TMEM132D: variants seen among roughly 807,000 people sequenced by gnomAD.
TMEM132D encodes the protein transmembrane protein 132D.
A neutral mutation model predicts 62.3 loss-of-function variants in TMEM132D; 21 were observed. That is an observed-to-expected ratio of 0.34 (90% CI 0.24 to 0.49). TMEM132D has a LOEUF of 0.49. Among genes scored for constraint, TMEM132D ranks in the 20% least tolerant of loss-of-function variants. The probability of loss-of-function intolerance (pLI) is 0.99; values close to 1 mark genes in which losing one functional copy is unlikely to be tolerated. For synonymous variants in TMEM132D, 621 were observed against 575.6 expected (o/e 1.08, Z -1.13); for missense variants, 1,346 against 1,402.8 (o/e 0.96, Z 0.65).
chr12:129,543,302 GTGGATGGATAGA>G (rs1158200500), intron 2 of TMEM132D, among the ~76,000 whole-genome samples: 5 of 78,922 alleles, frequency 6.3e-5, no homozygotes, highest in African/African-American at 2.6e-4. Flanking sequence ...GGGTGGGTGG[GTGGATGGATAGA>G]TGGATGGATG....
intron 1 of TMEM132D, among the ~76,000 whole-genome samples, chr12:129,797,196 T>C (rs1053647213): frequency 1.3e-5 from 2 of 152,134 alleles, no homozygotes; most frequent in African/African-American, 4.8e-5. Flanking sequence ...GAGGACACTG[T>C]CTTGCTGTCC....
intron 1 of TMEM132D, among the ~76,000 whole-genome samples, chr12:129,740,747 A>G (rs1459944777): frequency 6.6e-6 from 1 of 152,192 alleles, no homozygotes; most frequent in African/African-American, 2.4e-5. Flanking sequence ...TTGAAAAAAA[A>G]ATCACTTCAA....
chr12:129,380,358 A>G (rs979284672), intron 3 of TMEM132D, among the ~76,000 whole-genome samples: 4 of 152,316 alleles, frequency 2.6e-5, no homozygotes, highest in East Asian at 1.9e-4. Context: ...TTGATAATTA[A>G]GTTTTTAATT....
chr12:129,604,155 A>G (rs1445265700), intron 2 of TMEM132D, among the ~76,000 whole-genome samples: 2 of 151,938 alleles, frequency 1.3e-5, no homozygotes, highest in African/African-American at 4.8e-5. Context: ...ATCACACACC[A>G]GGGCCCGTCG....
intron 4 of TMEM132D, among the ~76,000 whole-genome samples, chr12:129,282,109 C>T (rs773269724): frequency 2.0e-5 from 3 of 152,102 alleles, no homozygotes; most frequent in Non-Finnish European, 4.4e-5. Context: ...CTACAAAACC[C>T]AACCTAAGAT....
At chr12:129,136,893 C>CCAT (rs1396853879) in intron 5 of TMEM132D, among the ~76,000 whole-genome samples, 1 of 149,842 alleles carries the variant, frequency 6.7e-6, no homozygotes, top group African/African-American at 2.5e-5. Flanking sequence ...ATCATCACCA[C>CCAT]CATCATCACC....
In TMEM132D at chr12:129,591,537, T is replaced by G. The variant is rs1310085966; in HGVS notation, c.969-60332A>C. On this transcript the variant is annotated intron_variant, in intron 2 of 8. Coordinates refer to ENST00000422113, the MANE Select transcript of TMEM132D (RefSeq NM_133448.3). ...CAGCATTTTGAGTGAAATTGGCTTT[T>G]GGGTTTTTTTTTTCTCGGTTTTAGG... 5.8e-5 allele frequency among the ~76,000 whole-genome samples: 5 copies of G among 85,932 alleles called. No homozygotes were observed. The East Asian group carries it at 2.9e-3, about 49-fold the overall frequency. 56.4% of individuals were successfully genotyped at this position (85,932 alleles called of 152,430 possible).
At chr12:129,625,983 C>T (rs117156633) in intron 2 of TMEM132D, among the ~76,000 whole-genome samples, 2,521 of 152,160 alleles carry the variant, frequency 0.017, 30 homozygotes, top group Admixed American at 0.029. Flanking sequence ...TTCACAGTAG[C>T]AGCAGGTGGC....
intron 2 of TMEM132D, among the ~76,000 whole-genome samples, chr12:129,666,810 C>T (rs1402169515): frequency 1.3e-5 from 2 of 152,130 alleles, no homozygotes; most frequent in Non-Finnish European, 2.9e-5. Flanking sequence ...ACTGGAGAAA[C>T]AGTTTTACAT....
chr12:129,459,593 T>C (rs1041668903), intron 3 of TMEM132D, among the ~76,000 whole-genome samples: 2 of 152,178 alleles, frequency 1.3e-5, no homozygotes, highest in African/African-American at 2.4e-5. Context: ...AGCAAGGCTC[T>C]GTGTTCAAGT....
intron 1 of TMEM132D, among the ~76,000 whole-genome samples, chr12:129,837,065 G>A (rs566364028): frequency 3.4e-4 from 52 of 152,176 alleles, no homozygotes; most frequent in African/African-American, 1.0e-3. Flanking sequence ...ACCATGACAC[G>A]TTTGTTGTCG....
In TMEM132D at chr12:129,435,152, T is replaced by C. The variant is rs1432061735; in HGVS notation, c.1115+95907A>G. 2.6e-5 allele frequency among the ~76,000 whole-genome samples: 4 copies of C among 152,198 alleles called. No homozygotes were observed. In the East Asian group the frequency reaches 7.7e-4, roughly 29 times the overall value. ...TGTTGCAAAAGATAGGATTTTATTC[T>C]TTTTTAATGGTGGACTAGCATTCCA... is the stretch of plus-strand genomic sequence containing the variant. On this transcript the variant is annotated intron_variant, in intron 3 of 8. Transcript: ENST00000422113.
chr12:129,254,683 C>T (rs774543777), intron 4 of TMEM132D, among the ~76,000 whole-genome samples: 19 of 152,104 alleles, frequency 1.2e-4, no homozygotes, highest in East Asian at 9.7e-4. Context: ...GTCGTGGAGA[C>T]GGGTCTCTAC....
At chr12:129,255,430 G>A (rs1392863672) in intron 4 of TMEM132D, among the ~76,000 whole-genome samples, 2 of 152,108 alleles carry the variant, frequency 1.3e-5, no homozygotes, top group Non-Finnish European at 2.9e-5. Flanking sequence ...TGCCCCAGGA[G>A]GAATCTGATT....
At chr12:129,129,143 CCTT>C (rs141082351) in intron 5 of TMEM132D, among the ~76,000 whole-genome samples, 1,789 of 152,248 alleles carry the variant, frequency 0.012, 36 homozygotes, top group African/African-American at 0.041. Context: ...CTCCCTTCCT[CCTT>C]CTCCTCCCTA....
intron 4 of TMEM132D, among the ~76,000 whole-genome samples, chr12:129,226,004 G>A (rs1879471136): frequency 6.6e-6 from 1 of 152,182 alleles, no homozygotes; most frequent in Non-Finnish European, 1.5e-5. Context: ...GAACAATAAT[G>A]TGTCAATGCT....
At chr12:129,424,707 C>CAAAAAAA (rs11385383) in intron 3 of TMEM132D, among the ~76,000 whole-genome samples, 9 of 31,816 alleles carry the variant, frequency 2.8e-4, no homozygotes, top group African/African-American at 4.5e-4. Context: ...GACTCCATCT[C>CAAAAAAA]AAAAAAAAAA....
intron 4 of TMEM132D, among the ~76,000 whole-genome samples, chr12:129,257,680 T>C (rs1032104913): frequency 6.6e-6 from 1 of 151,774 alleles, no homozygotes; most frequent in Non-Finnish European, 1.5e-5. Context: ...GATCTGGGGG[T>C]GGATATGCTA....
chr12:129,323,617 G>C (rs1017517302), intron 4 of TMEM132D, among the ~76,000 whole-genome samples: 3 of 152,146 alleles, frequency 2.0e-5, no homozygotes, highest in Non-Finnish European at 4.4e-5. Flanking sequence ...AAGTTCACAG[G>C]TTATAAAAAA....
Sources: gnomAD v4.1 joint callset for allele counts (sites outside exome capture counted in the v4.1 genomes callset) on GRCh38, gnomAD v4.1.1 for gene constraint, MANE v1.5 for transcripts, NCBI Gene and HGNC (gene_info 2026-07-23, HGNC 2026-07-21) for gene names.